The following BPGM variants were observed in gnomAD, a reference collection of about 807,000 sequenced individuals.
The protein encoded by BPGM is 2,3-bisphosphoglycerate mutase, erythrocyte.
A neutral mutation model predicts 21.6 loss-of-function variants in BPGM; 15 were observed. That is an observed-to-expected ratio of 0.70 (90% CI 0.47 to 1.07). The LOEUF (loss-of-function observed/expected upper bound fraction) is 1.07, where lower values mean the gene tolerates loss of function less well. Ranked by LOEUF, BPGM falls within the 50% of genes least tolerant of loss-of-function variation. The pLI is 0.00. For synonymous variants in BPGM, 113 were observed against 116.2 expected (o/e 0.97, Z 0.18); for missense variants, 273 against 319.0 (o/e 0.86, Z 1.10).
intron 2 of BPGM, among the ~76,000 whole-genome samples, chr7:134,677,787 T>G (rs996110803): frequency 1.3e-5 from 2 of 152,194 alleles, no homozygotes; most frequent in Admixed American, 6.5e-5. Context: ...CTTTCAGTTG[T>G]CTTTTAGCTT....
At chr7:134,649,868 T>A (rs1273302773) in intron 1 of BPGM, among the ~76,000 whole-genome samples, 1 of 152,236 alleles carries the variant, frequency 6.6e-6, no homozygotes, top group East Asian at 1.9e-4. Flanking sequence ...CAGCTTTCGC[T>A]TCTGCTCATA....
At chr7:134,674,653 T>A (rs1164690267) in intron 2 of BPGM, among the ~76,000 whole-genome samples, 1 of 152,262 alleles carries the variant, frequency 6.6e-6, no homozygotes, top group Non-Finnish European at 1.5e-5. Flanking sequence ...ATTTAATTTA[T>A]CTGTTCATTA....
Position 134,661,796 on chromosome 7 carries a change from G to A in BPGM, c.289G>A (p.Gly97Ser), listed in dbSNP as rs1374672280. 18 of 1,613,786 alleles carry A rather than the reference G, an allele frequency of 1.1e-5. No individual in the cohort carries two copies. The highest frequency in any genetic ancestry group is 4.4e-5 in the South Asian group (4 of 91,046). ...TGAGCGTCACTATGGGGCCTTGATCGGTCTCAACAGGGAGCAGATGGCTTT... is the reference window on the plus strand; with the variant it reads ...TGAGCGTCACTATGGGGCCTTGATCAGTCTCAACAGGGAGCAGATGGCTTT... Reference protein sequence around the residue: ...LNERHYGALIGLNREQMALNH... With the variant: ...LNERHYGALISLNREQMALNH... The change falls in exon 2 of 3, where the codon GGT becomes AGT. Residue 97 changes from glycine (G) to serine (S), a missense_variant. Physicochemically the swap from Gly to Ser is moderately conservative, Grantham distance 56. Transcript: ENST00000344924. This position sits in a 1 kb window ranked among gnomAD's most constrained non-coding sequence, Gnocchi z 4.6.
In BPGM at chr7:134,661,050, G is replaced by A. The variant is rs1721405367; in HGVS notation, c.-61-397G>A. Among the ~76,000 whole-genome samples the A allele has an allele frequency of 2.0e-5, 3 of 152,226 alleles. No homozygotes were observed. In the South Asian group the frequency reaches 6.2e-4, roughly 32 times the overall value. On this transcript the variant is annotated intron_variant, in intron 1 of 2. Coordinates refer to ENST00000344924, the MANE Select transcript of BPGM (RefSeq NM_001724.5). This position sits in a 1 kb window ranked among gnomAD's most constrained non-coding sequence, Gnocchi z 4.6. ...ACAAAGTGAAAAGGATGCCTTCAGT[G>A]TAGAGTCAGCTGCTGGGAGCTGGGA... is the stretch of plus-strand genomic sequence containing the variant.
intron 2 of BPGM, among the ~76,000 whole-genome samples, chr7:134,670,386 C>T (rs545413896): frequency 1.3e-5 from 2 of 152,234 alleles, no homozygotes; most frequent in South Asian, 2.1e-4. Context: ...ATTCAGGCCT[C>T]GCTTCTGTGA....
At chr7:134,670,399 C>G (rs1169102730) in intron 2 of BPGM, among the ~76,000 whole-genome samples, 2 of 152,150 alleles carry the variant, frequency 1.3e-5, no homozygotes, top group African/African-American at 4.8e-5. Flanking sequence ...TTCTGTGAGG[C>G]AAGTAGTTGC....
rs147508215 is a variant in BPGM, at chr7:134,655,352, G to A, written c.-61-6095G>A. 3.2e-3 allele frequency among the ~76,000 whole-genome samples: 488 copies of A among 152,224 alleles called. 4 individuals are homozygous for A. Among genetic ancestry groups the A allele is most frequent in the African/African-American group, 0.011 (438 of 41,516 alleles). On this transcript the variant is annotated intron_variant, in intron 1 of 2. Transcript: ENST00000344924. The stretch of plus-strand genomic sequence containing the variant: ...TTCACCTTGTTCGTTTGCGTTTGAT[G>A]AAATGGCTGCCTGGGTTTGGAAGGA...
chr7:134,678,823 C>T (rs1270116221), intron 2 of BPGM, 30 bp from the exon 3 acceptor site: 1 of 1,598,832 alleles, frequency 6.3e-7, no homozygotes, highest in East Asian at 2.2e-5. Context: ...TGTGTTTTAA[C>T]ACCTGGTCTC....
chr7:134,669,491 A>G (rs554841087), intron 2 of BPGM, among the ~76,000 whole-genome samples: 1 of 151,916 alleles, frequency 6.6e-6, no homozygotes, highest in Non-Finnish European at 1.5e-5. Flanking sequence ...TCTTGTAACA[A>G]CCTAGTCTAG....
chr7:134,658,000 A>T lies in BPGM; in HGVS notation c.-61-3447A>T, dbSNP rs191396494. ...AGTCAGAGGTCATAAGCTAGCAGCCACGATCTAGCCTGCAGAAGAAATGTT... is the reference window on the plus strand; with the variant it reads ...AGTCAGAGGTCATAAGCTAGCAGCCTCGATCTAGCCTGCAGAAGAAATGTT... On this transcript the variant is annotated intron_variant, in intron 1 of 2. Coordinates refer to ENST00000344924, the MANE Select transcript of BPGM (RefSeq NM_001724.5). 1.6e-3 allele frequency among the ~76,000 whole-genome samples: 250 copies of T among 152,336 alleles called. 2 individuals are homozygous for T. The highest frequency in any genetic ancestry group is 5.8e-3 in the African/African-American group (240 of 41,570).
At chr7:134,678,173 T>C (rs1796009312) in intron 2 of BPGM, among the ~76,000 whole-genome samples, 2 of 152,246 alleles carry the variant, frequency 1.3e-5, no homozygotes, top group African/African-American at 4.8e-5. Context: ...TGTAATTCAG[T>C]TGTACTTTAA....
intron 2 of BPGM, among the ~76,000 whole-genome samples, chr7:134,671,616 G>A (rs768509449): frequency 9.9e-5 from 15 of 152,128 alleles, no homozygotes; most frequent in Non-Finnish European, 2.1e-4. Context: ...TGCCTGCCTC[G>A]GCCTCCCAAA....
intron 1 of BPGM, among the ~76,000 whole-genome samples, chr7:134,654,099 C>T (rs1007393639): frequency 1.3e-5 from 2 of 151,532 alleles, no homozygotes; most frequent in Non-Finnish European, 2.9e-5. Context: ...AGTGCTTTCT[C>T]ATGGTGTGAA....
intron 1 of BPGM, 120 bp downstream of exon 1, chr7:134,647,057 G>C (rs1310120046): frequency 6.5e-6 from 1 of 154,634 alleles, no homozygotes; most frequent in Non-Finnish European, 1.5e-5. Flanking sequence ...TCGTTGGTGG[G>C]AGTCTGGTGC....
intron 1 of BPGM, chr7:134,660,827 TTGTC>T (rs1386219242): frequency 6.5e-6 from 1 of 153,074 alleles, no homozygotes; most frequent in African/African-American, 2.4e-5. Flanking sequence ...CACTTTTAAT[TTGTC>T]TGAATGTTGA....
rs1283939408 is a variant in BPGM, at chr7:134,665,640, AAAATT to A, written c.601+3535_601+3539del. Reference sequence around the variant, plus strand: ...AAAAAAAATAAAATAAAATAAAATAAAAATTAATGAAAAAAAAAAAAAAAAAAAAA... The same window carrying A: ...AAAAAAAATAAAATAAAATAAAATAAAATGAAAAAAAAAAAAAAAAAAAAA... On this transcript the variant is annotated intron_variant, in intron 2 of 2. Coordinates refer to ENST00000344924, the MANE Select transcript of BPGM (RefSeq NM_001724.5). Among the ~76,000 whole-genome samples, 10 of 24,270 alleles carry A rather than the reference AAAATT, an allele frequency of 4.1e-4. 2 individuals carry two copies. The highest frequency in any genetic ancestry group is 6.1e-4 in the Non-Finnish European group (10 of 16,422). 15.9% of individuals were successfully genotyped at this position (24,270 alleles called of 152,430 possible).
At chr7:134,650,869 G>A (rs2347692) in intron 1 of BPGM, among the ~76,000 whole-genome samples, 88,795 of 152,030 alleles carry the variant, frequency 0.58, 26,930 homozygotes, top group East Asian at 0.89. Context: ...AGCTTGCAGC[G>A]AGCCGAGATC....
intron 1 of BPGM, among the ~76,000 whole-genome samples, chr7:134,649,225 A>T (rs1795518312): frequency 6.6e-6 from 1 of 151,498 alleles, no homozygotes; most frequent in Non-Finnish European, 1.5e-5. Context: ...ACTAGGTCTT[A>T]TTGATCTTCC....
rs540130523 is a variant in BPGM, at chr7:134,663,039, G to A, written c.601+931G>A. ...CTTTTTGCGTGATATGCCCTGTCTG[G>A]TGTTTTCCTGCCTTTCATCACTGTC... On this transcript the variant is annotated intron_variant, in intron 2 of 2. Coordinates refer to ENST00000344924, the MANE Select transcript of BPGM (RefSeq NM_001724.5). Among the ~76,000 whole-genome samples the A allele has an allele frequency of 1.3e-4, 20 of 152,290 alleles. No individual in the cohort carries two copies. The South Asian group carries it at 3.9e-3, about 30-fold the overall frequency.
Sources: allele counts gnomAD v4.1 joint callset (sites outside exome capture counted in the v4.1 genomes callset), GRCh38; gene constraint gnomAD v4.1.1; non-coding constraint Gnocchi (gnomAD v3.1); transcripts MANE v1.5; gene names NCBI Gene and HGNC (gene_info 2026-07-23, HGNC 2026-07-21).